SUB1: variants seen among roughly 807,000 people sequenced by gnomAD.
SUB1 encodes activated RNA polymerase II transcriptional coactivator p15.
A neutral mutation model predicts 16.9 loss-of-function variants in SUB1; 1 was observed. The ratio of observed to expected loss-of-function variants is 0.06; its 90% CI spans 0.02 to 0.28. The LOEUF (loss-of-function observed/expected upper bound fraction) is 0.28. Among genes scored for constraint, SUB1 ranks in the 10% least tolerant of loss-of-function variants. The pLI is 1.00. For missense variants in SUB1, 84 were observed against 145.2 expected, an observed-to-expected ratio of 0.58 and a Z score of 2.16; for synonymous variants, 51 against 46.9, an observed-to-expected ratio of 1.09 and a Z score of -0.36.
chr5:32,600,570 TG>T (rs1561038169), intron 4 of SUB1, among the ~76,000 whole-genome samples: 1 of 152,062 alleles, frequency 6.6e-6, no homozygotes, highest in East Asian at 1.9e-4. Flanking sequence ...GTAAGAGATA[TG>T]ATTTTCAGTA....
intron 1 of SUB1, among the ~76,000 whole-genome samples, chr5:32,588,239 G>C (rs1738723865): frequency 6.6e-6 from 1 of 152,204 alleles, no homozygotes; most frequent in South Asian, 2.1e-4. Flanking sequence ...AGTATAGAAA[G>C]ATCCATTGGC....
chr5:32,597,413 G>A (rs757616436), intron 3 of SUB1: 1 of 151,644 alleles, frequency 6.6e-6, no homozygotes, highest in African/African-American at 2.4e-5. Context: ...ATTCCATTGT[G>A]TGTCTATTCC....
At chr5:32,600,031 A>G (rs552335849) in intron 4 of SUB1, among the ~76,000 whole-genome samples, 3 of 152,330 alleles carry the variant, frequency 2.0e-5, no homozygotes, top group African/African-American at 7.2e-5. Flanking sequence ...GTGTTAGGTG[A>G]TATGCTAAGT....
rs150853030 is a variant in SUB1, at chr5:32,597,670, A to G, written c.196-1291A>G. 5 of 152,324 alleles carry G rather than the reference A, an allele frequency of 3.3e-5. No homozygotes were observed. The East Asian group carries it at 9.6e-4, about 29-fold the overall frequency. The allele number at this position is 152,324 out of a possible 1,614,324, so 9.4% of individuals were successfully genotyped here. A position where few individuals can be genotyped will look rare whatever the true frequency, so the allele number is the denominator to read the frequency against. ...GAGTAGTACAGTTGACCCTTGAACA[A>G]TGCAGGGTCAAAATGCAAGGCACCA... On this transcript the variant is annotated intron_variant, in intron 3 of 4. Coordinates refer to ENST00000265073, the MANE Select transcript of SUB1 (RefSeq NM_006713.4).
In SUB1 at chr5:32,601,334, C is replaced by T. The variant is rs1261532603; in HGVS notation, c.*250C>T. The T allele has an allele frequency of 1.3e-5, 5 of 391,724 alleles. No individual in the cohort carries two copies. Among genetic ancestry groups the T allele is most frequent in the Non-Finnish European group, 2.3e-5 (5 of 218,456 alleles). 24.3% of individuals were successfully genotyped at this position (391,724 alleles called of 1,614,324 possible). ...ATAAAATCAAGTAATACAATCTTAACTGTTGTGGCCTTTTTTGATCATAAG... is the reference window on the plus strand; with the variant it reads ...ATAAAATCAAGTAATACAATCTTAATTGTTGTGGCCTTTTTTGATCATAAG... On this transcript the variant is annotated 3_prime_UTR_variant, in exon 5 of 5. Coordinates refer to ENST00000265073, the MANE Select transcript of SUB1 (RefSeq NM_006713.4).
chr5:32,587,150 G>T (rs1561031589), intron 1 of SUB1, among the ~76,000 whole-genome samples: 1 of 152,110 alleles, frequency 6.6e-6, no homozygotes, highest in Non-Finnish European at 1.5e-5. Flanking sequence ...TTATTTATGT[G>T]CTACTGCTCA....
Position 32,601,946 on chromosome 5 carries a change from T to C in SUB1, c.*862T>C, listed in dbSNP as rs553263733. 1 of 170,466 alleles carries C rather than the reference T, an allele frequency of 5.9e-6. No homozygotes were observed. Among genetic ancestry groups the C allele is most frequent in the Non-Finnish European group, 1.3e-5 (1 of 78,476 alleles). The allele number at this position is 170,466 out of a possible 1,614,324, so 10.6% of individuals were successfully genotyped here. A position where few individuals can be genotyped will look rare whatever the true frequency, so the allele number is the denominator to read the frequency against. ...AACTAGACTAGGATTTAATAAAAAT[T>C]GTGAAAGCTTACTGGCCTAACATTT... On this transcript the variant is annotated 3_prime_UTR_variant, in exon 5 of 5. Coordinates refer to ENST00000265073, the MANE Select transcript of SUB1 (RefSeq NM_006713.4).
intron 3 of SUB1, among the ~76,000 whole-genome samples, chr5:32,594,194 G>A (rs182214280): frequency 1.3e-5 from 2 of 152,284 alleles, no homozygotes; most frequent in South Asian, 2.1e-4. Context: ...GGGCAGAATC[G>A]TGACTAGAGA....
chr5:32,597,290 A>C (rs1738992111), intron 3 of SUB1: 1 of 152,156 alleles, frequency 6.6e-6, no homozygotes. Flanking sequence ...TGTTCCTGTG[A>C]ACTTGACATC....
intron 4 of SUB1, among the ~76,000 whole-genome samples, chr5:32,600,218 G>A (rs1481953683): frequency 1.3e-5 from 2 of 152,200 alleles, no homozygotes; most frequent in Non-Finnish European, 2.9e-5. Flanking sequence ...GCAGTTACCC[G>A]GGTATACTCT....
intron 2 of SUB1, among the ~76,000 whole-genome samples, chr5:32,590,762 A>AGTTTTTTTTTTT (rs1738801460): frequency 2.9e-5 from 1 of 33,960 alleles, no homozygotes; most frequent in Non-Finnish European, 5.4e-5. Flanking sequence ...CGCCTGGCTA[A>AGTTTTTTTTTTT]TTTTTTTTTT....
At chr5:32,594,262 C>G (rs547845191) in intron 3 of SUB1, among the ~76,000 whole-genome samples, 2 of 152,138 alleles carry the variant, frequency 1.3e-5, no homozygotes, top group African/African-American at 2.4e-5. Flanking sequence ...GAAGAACTTT[C>G]TTCCATAGGG....
At chr5:32,592,926 A>G (rs1010584452) in intron 3 of SUB1, among the ~76,000 whole-genome samples, 1 of 152,204 alleles carries the variant, frequency 6.6e-6, no homozygotes, top group Non-Finnish European at 1.5e-5. Flanking sequence ...GGAAAATTAG[A>G]AGAGTGCAGT....
At chr5:32,594,760 G>T in intron 3 of SUB1, 1 of 214,076 alleles carries the variant, frequency 4.7e-6, no homozygotes, top group Non-Finnish European at 1.0e-5. Context: ...TTCCTTATGA[G>T]AATCTAATGC....
intron 2 of SUB1, among the ~76,000 whole-genome samples, chr5:32,589,318 C>G (rs1415635149): frequency 2.6e-5 from 4 of 152,138 alleles, no homozygotes; most frequent in Non-Finnish European, 5.9e-5. Flanking sequence ...AACTCCTGGC[C>G]TCAGGCAATT....
intron 3 of SUB1, chr5:32,596,158 G>A (rs1561036147): frequency 6.6e-6 from 1 of 152,158 alleles, no homozygotes; most frequent in African/African-American, 2.4e-5. Flanking sequence ...GACAGAATAA[G>A]GGGGGACTGG....
chr5:32,596,729 T>C (rs1411308430), intron 3 of SUB1: 2 of 152,208 alleles, frequency 1.3e-5, no homozygotes, highest in African/African-American at 4.8e-5. Context: ...GCGTGTGTAT[T>C]TTTTGACTCC....
chr5:32,603,712 T>G lies in SUB1; in HGVS notation c.*2628T>G, dbSNP rs1450923713. On this transcript the variant is annotated 3_prime_UTR_variant, in exon 5 of 5. Transcript: ENST00000265073. ...TTGGGTGAAAAATGAAATAAGTATATTCTGACTTGGCTATTGAGGGGAAAA... is the reference window on the plus strand; with the variant it reads ...TTGGGTGAAAAATGAAATAAGTATAGTCTGACTTGGCTATTGAGGGGAAAA... 2.0e-5 allele frequency: 3 copies of G among 152,186 alleles called. No individual in the cohort carries two copies. Among genetic ancestry groups the G allele is most frequent in the Admixed American group, 6.5e-5 (1 of 15,272 alleles). 9.4% of individuals were successfully genotyped at this position (152,186 alleles called of 1,614,324 possible).
In SUB1 at chr5:32,602,122, G is replaced by A. The variant is rs1346614985; in HGVS notation, c.*1038G>A. Reference sequence around the variant, plus strand: ...CTTTGCCCCAGTAGAACAGACCAATGGCATTCTAGACTTGATGATACTAAG... The same window carrying A: ...CTTTGCCCCAGTAGAACAGACCAATAGCATTCTAGACTTGATGATACTAAG... On this transcript the variant is annotated 3_prime_UTR_variant, in exon 5 of 5. Coordinates refer to ENST00000265073, the MANE Select transcript of SUB1 (RefSeq NM_006713.4). 2.3e-6 allele frequency: 1 copy of A among 426,504 alleles called. No homozygotes were observed. The highest frequency in any genetic ancestry group is 2.0e-5 in the African/African-American group (1 of 49,150). The allele number at this position is 426,504 out of a possible 1,614,324, so 26.4% of individuals were successfully genotyped here.
Sources: gnomAD v4.1 joint callset for allele counts (sites outside exome capture counted in the v4.1 genomes callset) on GRCh38, gnomAD v4.1.1 for gene constraint, MANE v1.5 for transcripts, NCBI Gene and HGNC (gene_info 2026-07-23, HGNC 2026-07-21) for gene names.